The following DCDC2 variants were observed in gnomAD, a reference collection of about 807,000 sequenced individuals.
DCDC2 encodes the protein doublecortin domain-containing protein 2.
DCDC2 carries 40 observed loss-of-function variants against 50.2 expected under a neutral mutation model. The observed-to-expected ratio is 0.80, with a 90% CI of 0.62 to 1.04. The LOEUF (loss-of-function observed/expected upper bound fraction) is 1.04, where lower values mean the gene tolerates loss of function less well. DCDC2 is among the 50% of genes least tolerant of loss of function. The pLI is 0.00. For synonymous variants in DCDC2, 234 were observed against 210.6 expected (o/e 1.11, Z -0.96); for missense variants, 570 against 581.9 (o/e 0.98, Z 0.21).
At chr6:24,213,173 T>C (rs1307571073) in intron 7 of DCDC2, among the ~76,000 whole-genome samples, 1 of 152,176 alleles carries the variant, frequency 6.6e-6, no homozygotes, top group African/African-American at 2.4e-5. Context: ...TATTTTAATA[T>C]ATTTAGTGTT....
intron 2 of DCDC2, among the ~76,000 whole-genome samples, chr6:24,337,006 CT>C (rs1215057898): frequency 6.6e-6 from 1 of 152,138 alleles, no homozygotes; most frequent in Non-Finnish European, 1.5e-5. Context: ...ACCTTGAGAT[CT>C]TGGGGAGAAA....
At chr6:24,271,936 C>T (rs563450161) in intron 7 of DCDC2, among the ~76,000 whole-genome samples, 1 of 152,220 alleles carries the variant, frequency 6.6e-6, no homozygotes, top group Non-Finnish European at 1.5e-5. Flanking sequence ...AAAGCGTCTT[C>T]AAACTCAACC....
upstream of DCDC2, among the ~76,000 whole-genome samples, chr6:24,358,986 T>TATTATATATTATATATTTTATAC (rs1561788720): frequency 1.8e-4 from 14 of 79,944 alleles, no homozygotes; most frequent in African/African-American, 7.6e-4. Flanking sequence ...ATACATTATA[T>TATTATATATTATATATTTTATAC]ATTATATATT....
At chr6:24,289,594 G>C (rs1031691042) in intron 5 of DCDC2, among the ~76,000 whole-genome samples, 1 of 152,190 alleles carries the variant, frequency 6.6e-6, no homozygotes, top group Admixed American at 6.5e-5. Context: ...GGTTAACCTA[G>C]GGCTGCTTAG....
intron 2 of DCDC2, among the ~76,000 whole-genome samples, chr6:24,347,657 C>A (rs1760291623): frequency 6.6e-6 from 1 of 151,994 alleles, no homozygotes. Context: ...ATTTTGGTGT[C>A]CTCAGGGGGT....
intron 8 of DCDC2, among the ~76,000 whole-genome samples, 159 bp from the exon 9 acceptor site, chr6:24,178,791 C>T (rs987755932): frequency 3.3e-5 from 5 of 152,140 alleles, no homozygotes; most frequent in Admixed American, 6.5e-5. Context: ...TTACTGAGTA[C>T]CTACCACATG....
At chr6:24,184,860 CTTTG>C (rs965163171) in intron 8 of DCDC2, among the ~76,000 whole-genome samples, 21 of 152,206 alleles carry the variant, frequency 1.4e-4, no homozygotes, top group South Asian at 1.0e-3. Flanking sequence ...TTCAGAACAA[CTTTG>C]TTTTAGTTTT....
chr6:24,248,561 A>G (rs932153442), intron 7 of DCDC2, among the ~76,000 whole-genome samples: 4 of 152,206 alleles, frequency 2.6e-5, no homozygotes, highest in African/African-American at 9.7e-5. Flanking sequence ...AATTTCCTGA[A>G]GACCAGTTTT....
intron 7 of DCDC2, among the ~76,000 whole-genome samples, chr6:24,258,075 G>A (rs1321133782): frequency 6.6e-6 from 1 of 152,214 alleles, no homozygotes; most frequent in Non-Finnish European, 1.5e-5. Flanking sequence ...AGTGTGTTCA[G>A]AGTGGGTTCC....
chr6:24,257,103 G>GAT (rs779385077), intron 7 of DCDC2, among the ~76,000 whole-genome samples: 1 of 152,068 alleles, frequency 6.6e-6, no homozygotes, highest in Non-Finnish European at 1.5e-5. Context: ...TGCTTACACA[G>GAT]ATATATATCT....
intron 7 of DCDC2, among the ~76,000 whole-genome samples, chr6:24,231,087 A>C (rs1470658040): frequency 1.3e-5 from 2 of 152,234 alleles, no homozygotes; most frequent in Non-Finnish European, 2.9e-5. Flanking sequence ...CCTTCCATCC[A>C]GGCAGAATTC....
chr6:24,215,604 G>A (rs1255501855), intron 7 of DCDC2, among the ~76,000 whole-genome samples: 1 of 152,186 alleles, frequency 6.6e-6, no homozygotes, highest in Non-Finnish European at 1.5e-5. Context: ...AAGAATGCCT[G>A]AAACTGGGTC....
intron 7 of DCDC2, among the ~76,000 whole-genome samples, chr6:24,260,860 C>T (rs1762993332): frequency 6.6e-6 from 1 of 152,210 alleles, no homozygotes; most frequent in Admixed American, 6.5e-5. Flanking sequence ...TGGGAGGCTA[C>T]TCTTCTTGAC....
At chr6:24,276,334 GAAGT>G (rs749518166) in intron 7 of DCDC2, among the ~76,000 whole-genome samples, 1 of 150,824 alleles carries the variant, frequency 6.6e-6, no homozygotes, top group African/African-American at 2.4e-5. Context: ...AAATATACTG[GAAGT>G]AAGGATTGGG....
chr6:24,358,796 AT>A (rs1172457884), upstream of DCDC2, among the ~76,000 whole-genome samples: 37 of 66,698 alleles, frequency 5.5e-4, 1 homozygote, highest in Middle Eastern at 7.7e-3. Flanking sequence ...TAAAATATAT[AT>A]TTTATATATT....
In DCDC2 at chr6:24,357,963, A is replaced by G. The variant is rs1760512879; in HGVS notation, c.-213T>C. 3 of 1,488,128 alleles carry G rather than the reference A, an allele frequency of 2.0e-6. No homozygotes were observed. The highest frequency in any genetic ancestry group is 2.7e-6 in the Non-Finnish European group (3 of 1,118,110). The allele number at this position is 1,488,128 out of a possible 1,614,324, so 92.2% of individuals were successfully genotyped here. On this transcript the variant is annotated 5_prime_UTR_variant, in exon 1 of 10. Coordinates refer to ENST00000378454, the MANE Select transcript of DCDC2 (RefSeq NM_016356.5). Reference sequence around the variant, plus strand: ...TTGCAGGACTCGGAGTAGACGCTCAAGTTTTTCACCGTGGCGTGCACAGCC... The same window carrying G: ...TTGCAGGACTCGGAGTAGACGCTCAGGTTTTTCACCGTGGCGTGCACAGCC...
At chr6:24,346,689 T>C (rs1235670034) in intron 2 of DCDC2, among the ~76,000 whole-genome samples, 1 of 150,674 alleles carries the variant, frequency 6.6e-6, no homozygotes, top group African/African-American at 2.4e-5. Context: ...GGGAGGTAGA[T>C]GTTGCAGTGA....
At chr6:24,353,945 G>T (rs998345239) in intron 1 of DCDC2, among the ~76,000 whole-genome samples, 4 of 152,156 alleles carry the variant, frequency 2.6e-5, no homozygotes, top group Non-Finnish European at 4.4e-5. Flanking sequence ...TTTTTTAAAA[G>T]AGTGGCTTAT....
chr6:24,293,329 A>G (rs1763790110), intron 4 of DCDC2, among the ~76,000 whole-genome samples: 1 of 152,224 alleles, frequency 6.6e-6, no homozygotes. Flanking sequence ...ATAAAAAGCA[A>G]GTTCAGTAAA....
Sources: allele counts gnomAD v4.1 joint callset (sites outside exome capture counted in the v4.1 genomes callset), GRCh38; gene constraint gnomAD v4.1.1; transcripts MANE v1.5; gene names NCBI Gene and HGNC (gene_info 2026-07-23, HGNC 2026-07-21).